The following SNAP23 variants were observed in gnomAD, a reference collection of about 807,000 sequenced individuals.
SNAP23 encodes the protein synaptosome associated protein 23.
A neutral mutation model predicts 29.0 loss-of-function variants in SNAP23; 11 were observed. The observed-to-expected ratio is 0.38, with a 90% CI of 0.24 to 0.63. The LOEUF (loss-of-function observed/expected upper bound fraction) is 0.63. SNAP23 is among the 20% of genes least tolerant of loss of function. SNAP23 has a pLI of 0.58. For missense variants in SNAP23, 220 were observed against 253.9 expected, an observed-to-expected ratio of 0.87 and a Z score of 0.91; for synonymous variants, 60 against 82.9, an observed-to-expected ratio of 0.72 and a Z score of 1.50.
At chr15:42,520,934 G>C (rs1009363865) in intron 5 of SNAP23, among the ~76,000 whole-genome samples, 3 of 152,190 alleles carry the variant, frequency 2.0e-5, no homozygotes, top group African/African-American at 7.2e-5. Flanking sequence ...CAGGTTTACT[G>C]CTATTCCGAT....
At chr15:42,520,372 A>G (rs892443467) in intron 5 of SNAP23, among the ~76,000 whole-genome samples, 56 of 152,060 alleles carry the variant, frequency 3.7e-4, no homozygotes, top group African/African-American at 1.3e-3. Context: ...TTAAAATCAC[A>G]TATCTTAGGC....
In SNAP23 at chr15:42,498,939, T is replaced by G. The variant is rs369991015; in HGVS notation, c.-15+3226T>G. Among the ~76,000 whole-genome samples the G allele has an allele frequency of 9.8e-5, 15 of 152,326 alleles. 1 individual carries two copies. In the East Asian group the frequency reaches 2.7e-3, roughly 27 times the overall value. ...ATGCACTAGAAAGTTAGTGTTATCATAGTTCCAGCATAAGGATGTCTTACT... is the reference window on the plus strand; with the variant it reads ...ATGCACTAGAAAGTTAGTGTTATCAGAGTTCCAGCATAAGGATGTCTTACT... On this transcript the variant is annotated intron_variant, in intron 1 of 7. Coordinates refer to ENST00000249647, the MANE Select transcript of SNAP23 (RefSeq NM_003825.4).
At chr15:42,525,909 G>A (rs1315189931) in intron 5 of SNAP23, among the ~76,000 whole-genome samples, 1 of 152,130 alleles carries the variant, frequency 6.6e-6, no homozygotes, top group Non-Finnish European at 1.5e-5. Flanking sequence ...GTGGAAAGAA[G>A]AATTCTCATA....
Position 42,511,933 on chromosome 15 carries a change from A to T in SNAP23, c.57+30A>T, listed in dbSNP as rs2057360894. ...ATGTTTTACCTAAAATAAGTAAATA[A>T]TTCTATTTCAGTTTTCATATTGGAG... On this transcript the variant is annotated intron_variant, in intron 2 of 7. Coordinates refer to ENST00000249647, the MANE Select transcript of SNAP23 (RefSeq NM_003825.4). 2.7e-6 allele frequency: 4 copies of T among 1,472,964 alleles called. No homozygotes were observed. In the East Asian group the frequency reaches 9.4e-5, roughly 34 times the overall value. The allele number at this position is 1,472,964 out of a possible 1,614,324, so 91.2% of individuals were successfully genotyped here. A position where few individuals can be genotyped will look rare whatever the true frequency, so the allele number is the denominator to read the frequency against.
intron 1 of SNAP23, among the ~76,000 whole-genome samples, chr15:42,497,287 C>A (rs1386532212): frequency 1.3e-5 from 2 of 149,440 alleles, no homozygotes; most frequent in African/African-American, 5.0e-5. Context: ...TGGCTCACTG[C>A]GACCTCCGCC....
chr15:42,514,305 T>A (rs2057381393), intron 4 of SNAP23, among the ~76,000 whole-genome samples: 1 of 151,984 alleles, frequency 6.6e-6, no homozygotes, highest in Non-Finnish European at 1.5e-5. Context: ...CACACCCAGC[T>A]AATTTTTTGT....
upstream of SNAP23, among the ~76,000 whole-genome samples, chr15:42,494,643 C>T (rs1335998023): frequency 6.6e-6 from 1 of 151,528 alleles, no homozygotes; most frequent in Non-Finnish European, 1.5e-5. Context: ...AGCCTCCCGA[C>T]TAGCTGGGAT....
intron 5 of SNAP23, among the ~76,000 whole-genome samples, chr15:42,524,948 G>A (rs975110744): frequency 2.6e-5 from 4 of 152,090 alleles, no homozygotes; most frequent in Admixed American, 6.5e-5. Flanking sequence ...TGAATGAGAC[G>A]CACTGAACTG....
intron 5 of SNAP23, among the ~76,000 whole-genome samples, chr15:42,526,730 C>T (rs892298448): frequency 1.3e-5 from 2 of 152,040 alleles, no homozygotes; most frequent in African/African-American, 4.8e-5. Context: ...GAAAGCTTGA[C>T]TTTAGCCAAA....
Position 42,528,410 on chromosome 15 carries a change from T to C in SNAP23, c.415T>C (p.Tyr139His). ...AACAACGGGAGCAGCCAGTGGTGGA[T>C]ACATTAAACGGTATGCCAACTCCTC... ...QPTTGAASGG[Y>H]IKRITNDARE... is the part of the protein sequence containing the mutation. Residue 139 changes from tyrosine (Y) to histidine (H), a missense_variant, in exon 6 of 8, where the codon TAC becomes CAC. By Grantham distance (83) the Tyr-to-His change is moderately conservative (BLOSUM62 2). Coordinates refer to ENST00000249647, the MANE Select transcript of SNAP23 (RefSeq NM_003825.4). 6.2e-7 allele frequency: 1 copy of C among 1,614,146 alleles called. No individual in the cohort carries two copies. Among genetic ancestry groups the C allele is most frequent in the Non-Finnish European group, 8.5e-7 (1 of 1,180,006 alleles).
At chr15:42,521,727 T>A (rs2057451338) in intron 5 of SNAP23, 1 of 747,452 alleles carries the variant, frequency 1.3e-6, no homozygotes, top group African/African-American at 1.7e-5. Flanking sequence ...TCAAATGGCT[T>A]TTCTGTGCAT....
intron 1 of SNAP23, among the ~76,000 whole-genome samples, chr15:42,508,226 G>A (rs562638355): frequency 6.1e-5 from 9 of 147,610 alleles, no homozygotes; most frequent in African/African-American, 2.0e-4. Context: ...TTGCACCACC[G>A]CTCTCCAACC....
At chr15:42,495,247 C>T (rs964084017), upstream of SNAP23, 2 of 152,208 alleles carry the variant, frequency 1.3e-5, no homozygotes, top group African/African-American at 2.4e-5. Flanking sequence ...ACGCTTTGTT[C>T]ATTATCAGCC....
chr15:42,522,144 A>C (rs1329636890), intron 5 of SNAP23: 4 of 152,294 alleles, frequency 2.6e-5, no homozygotes, highest in African/African-American at 9.7e-5. Context: ...TTTTGCTTCT[A>C]ATGATTAGGA....
At chr15:42,499,622 A>G (rs961782463) in intron 1 of SNAP23, among the ~76,000 whole-genome samples, 1 of 152,166 alleles carries the variant, frequency 6.6e-6, no homozygotes, top group African/African-American at 2.4e-5. Context: ...TAGCTTTTTT[A>G]GCATCCATTA....
intron 3 of SNAP23, 23 bp from the exon 4 acceptor site, chr15:42,513,376 C>G (rs2057372966): frequency 3.1e-6 from 5 of 1,610,568 alleles, no homozygotes; most frequent in Middle Eastern, 1.7e-4. Context: ...GTTGTACTAT[C>G]AGCTTTTCCC....
chr15:42,493,805 G>A (rs143135192), upstream of SNAP23, among the ~76,000 whole-genome samples: 5,088 of 152,042 alleles, frequency 0.033, 124 homozygotes, highest in Non-Finnish European at 0.048. Flanking sequence ...ATCAGAAGAT[G>A]ACCCCATCTT....
At chr15:42,524,831 C>T (rs1000371997) in intron 5 of SNAP23, among the ~76,000 whole-genome samples, 5 of 152,172 alleles carry the variant, frequency 3.3e-5, no homozygotes, top group Admixed American at 1.3e-4. Context: ...AAGCAGCTAT[C>T]TGACAATGCC....
At chr15:42,509,596 C>T (rs2057344084) in intron 1 of SNAP23, among the ~76,000 whole-genome samples, 1 of 151,986 alleles carries the variant, frequency 6.6e-6, no homozygotes, top group Admixed American at 6.6e-5. Context: ...CTCACCACCA[C>T]TCCCGGCTAA....
Sources: gnomAD v4.1 joint callset for allele counts (sites outside exome capture counted in the v4.1 genomes callset) on GRCh38, gnomAD v4.1.1 for gene constraint, MANE v1.5 for transcripts, NCBI Gene and HGNC (gene_info 2026-07-23, HGNC 2026-07-21) for gene names.